Variants in AQP7 observed in about 807,000 individuals in gnomAD.
AQP7 encodes aquaporin-7.
AQP7 carries 22 observed loss-of-function variants against 26.1 expected under a neutral mutation model. The ratio of observed to expected loss-of-function variants is 0.84; its 90% CI spans 0.60 to 1.20. AQP7 has a LOEUF of 1.20. Among genes scored for constraint, AQP7 ranks in the 50% most tolerant of loss-of-function variants. The pLI, the probability that AQP7 is intolerant of heterozygous loss-of-function variation, is 0.00. For missense variants in AQP7, 412 were observed against 457.5 expected, an observed-to-expected ratio of 0.90 and a Z score of 0.91; for synonymous variants, 167 against 181.7, an observed-to-expected ratio of 0.92 and a Z score of 0.65.
chr9:33,394,933 C>T, intron 3 of AQP7, 145 bp downstream of exon 3: 1 of 717,700 alleles, frequency 1.4e-6, no homozygotes, highest in Admixed American at 2.5e-5. Context: ...AGAAAGCCCC[C>T]CCTCCTTACT....
chr9:33,386,672 C>T, intron 4 of AQP7, 131 bp from the exon 5 acceptor site: 2 of 1,292,028 alleles, frequency 1.5e-6, no homozygotes, highest in Non-Finnish European at 2.1e-6. Context: ...TGAGCCCTCA[C>T]AACCACCCCG....
chr9:33,397,434 C>G (rs971587927), intron 2 of AQP7, among the ~76,000 whole-genome samples: 1 of 152,028 alleles, frequency 6.6e-6, no homozygotes, highest in African/African-American at 2.4e-5. Context: ...TAATGAGACC[C>G]CTATACGATG....
chr9:33,389,901 G>A (rs1825219001), intron 3 of AQP7, among the ~76,000 whole-genome samples: 1 of 152,034 alleles, frequency 6.6e-6, no homozygotes. Context: ...GGTGGCGCTT[G>A]CCTGTAATCC....
In AQP7 at chr9:33,395,211, G is replaced by T. The variant is rs369394067; in HGVS notation, c.27-16C>A. On this transcript the variant is annotated splice_polypyrimidine_tract_variant and intron_variant, in intron 2 of 7. Coordinates refer to ENST00000297988, the MANE Select transcript of AQP7 (RefSeq NM_001170.3). ...ACGGGTGGACCTAAGACAGTGGCCC[G>T]AGCCCATGGACAGAAAGGAGACTCA... The T allele has an allele frequency of 1.3e-6, 2 of 1,599,780 alleles. No homozygotes were observed. The highest frequency in any genetic ancestry group is 4.5e-5 in the East Asian group (2 of 44,782).
chr9:33,389,182 C>A (rs1295002091), intron 3 of AQP7, among the ~76,000 whole-genome samples: 1 of 152,160 alleles, frequency 6.6e-6, no homozygotes, highest in Non-Finnish European at 1.5e-5. Context: ...TGCACGCCAC[C>A]ATGCCCAACT....
At chr9:33,386,921 T>C (rs1018310359) in intron 4 of AQP7, 48 bp downstream of exon 4, 2 of 1,608,010 alleles carry the variant, frequency 1.2e-6, no homozygotes, top group African/African-American at 1.3e-5. Flanking sequence ...AAGAGCCTGT[T>C]GGGGACACCT....
intron 4 of AQP7, among the ~76,000 whole-genome samples, 199 bp from the exon 5 acceptor site, chr9:33,386,740 G>A (rs1446504552): frequency 6.6e-6 from 1 of 152,334 alleles, no homozygotes; most frequent in African/African-American, 2.4e-5. Flanking sequence ...ACACAGAGGC[G>A]ATGGCTTGCC....
chr9:33,389,177 G>A (rs1035481277), intron 3 of AQP7, among the ~76,000 whole-genome samples: 3 of 152,196 alleles, frequency 2.0e-5, no homozygotes, highest in Admixed American at 6.5e-5. Flanking sequence ...ATAGGTGCAC[G>A]CCACCATGCC....
Position 33,394,967 on chromosome 9 carries a change from C to T in AQP7, c.144+111G>A, listed in dbSNP as rs539538326. ...CTTTCCTCTGCTGCTTCCCCAGGCTCCCAGCTCAGAGGCAAGGAATGGACA... is the reference window on the plus strand; with the variant it reads ...CTTTCCTCTGCTGCTTCCCCAGGCTTCCAGCTCAGAGGCAAGGAATGGACA... On this transcript the variant is annotated intron_variant, in intron 3 of 7. Coordinates refer to ENST00000297988, the MANE Select transcript of AQP7 (RefSeq NM_001170.3). The T allele has an allele frequency of 8.8e-5, 83 of 945,856 alleles. 5 individuals carry two copies. The South Asian group carries it at 1.2e-3, about 14-fold the overall frequency. 58.6% of individuals were successfully genotyped at this position (945,856 alleles called of 1,614,324 possible).
intron 2 of AQP7, among the ~76,000 whole-genome samples, chr9:33,396,945 A>T (rs1293297269): frequency 6.6e-6 from 1 of 151,548 alleles, no homozygotes; most frequent in Admixed American, 6.6e-5. Context: ...AAAAAAAAAT[A>T]CAAAAATTAG....
At position 33,385,484 on chromosome 9, in the gene AQP7, T is replaced by C. The variant is rs1236077530; in HGVS notation, c.743+165A>G. The C allele has an allele frequency of 3.0e-6, 3 of 1,009,844 alleles. No individual in the cohort carries two copies. In the African/African-American group the frequency reaches 4.8e-5, roughly 16 times the overall value. The allele number at this position is 1,009,844 out of a possible 1,614,324, so 62.6% of individuals were successfully genotyped here. A position where few individuals can be genotyped will look rare whatever the true frequency, so the allele number is the denominator to read the frequency against. The stretch of plus-strand genomic sequence containing the variant: ...ACACTCAGTGCAGGTGCAGGATCTG[T>C]ATCTGTACTGGCCTGGGGAAATGTT... On this transcript the variant is annotated intron_variant, in intron 7 of 7. Coordinates refer to ENST00000297988, the MANE Select transcript of AQP7 (RefSeq NM_001170.3).
In AQP7 at chr9:33,386,492, G is replaced by A. The variant is rs749326377; in HGVS notation, c.318C>T (p.Arg106=). The A allele has an allele frequency of 3.8e-5, 62 of 1,612,228 alleles. No individual in the cohort carries two copies. Among genetic ancestry groups the A allele is most frequent in the South Asian group, 5.5e-5 (5 of 90,544 alleles). The change falls in exon 5 of 8, where the codon CGC becomes CGT. Residue 106 remains arginine, a synonymous_variant. Coordinates refer to ENST00000297988, the MANE Select transcript of AQP7 (RefSeq NM_001170.3). ...AVTFANCALG[R]VPWRKFPVYV... is the part of the protein sequence containing the mutation. Reference sequence around the variant, plus strand: ...AGACCGGAAACTTCCTCCAGGGCACGCGGCCCAGCGCACAGTTAGCAAAGG... The same window carrying A: ...AGACCGGAAACTTCCTCCAGGGCACACGGCCCAGCGCACAGTTAGCAAAGG...
chr9:33,387,326 GT>G (rs1824941179), intron 3 of AQP7, among the ~76,000 whole-genome samples: 1 of 152,140 alleles, frequency 6.6e-6, no homozygotes, highest in Non-Finnish European at 1.5e-5. Flanking sequence ...GAGCGGCAGA[GT>G]TAGAAGCTCT....
At chr9:33,394,927 A>G (rs1446957867) in intron 3 of AQP7, 151 bp downstream of exon 3, 2 of 687,528 alleles carry the variant, frequency 2.9e-6, no homozygotes, top group Non-Finnish European at 5.0e-6. Context: ...TTGATGAGAA[A>G]GCCCCCCCTC....
intron 2 of AQP7, among the ~76,000 whole-genome samples, chr9:33,400,110 G>A (rs1267773290): frequency 2.0e-5 from 3 of 152,208 alleles, no homozygotes; most frequent in Non-Finnish European, 2.9e-5. Flanking sequence ...AAGCCCTGGA[G>A]AGCGATGTAG....
At chr9:33,397,731 C>T (rs957661687) in intron 2 of AQP7, among the ~76,000 whole-genome samples, 5 of 152,116 alleles carry the variant, frequency 3.3e-5, no homozygotes, top group African/African-American at 1.2e-4. Flanking sequence ...GGTGACCCTC[C>T]ACTGGCCCCC....
chr9:33,398,688 G>A (rs1432738164), intron 2 of AQP7, among the ~76,000 whole-genome samples: 1 of 152,160 alleles, frequency 6.6e-6, no homozygotes, highest in African/African-American at 2.4e-5. Flanking sequence ...TGAGTGTGAG[G>A]AGCCCGCTAG....
intron 2 of AQP7, 134 bp downstream of exon 2, chr9:33,401,103 G>A: frequency 2.1e-6 from 2 of 963,850 alleles, no homozygotes; most frequent in Non-Finnish European, 3.2e-6. Context: ...GAGGCGAGTG[G>A]GTGGGTGGGG....
intron 2 of AQP7, chr9:33,395,525 C>T (rs4008647): frequency 3.1e-6 from 1 of 325,946 alleles, no homozygotes; most frequent in Non-Finnish European, 5.8e-6. Context: ...TGGAAAAAAG[C>T]AGGGTGGGAG....
Sources: allele counts gnomAD v4.1 joint callset (sites outside exome capture counted in the v4.1 genomes callset), GRCh38; gene constraint gnomAD v4.1.1; transcripts MANE v1.5; gene names NCBI Gene and HGNC (gene_info 2026-07-23, HGNC 2026-07-21).